CRY2: variants seen among roughly 807,000 people sequenced by gnomAD.
The protein encoded by CRY2 is cryptochrome circadian regulator 2.
In CRY2, 31 loss-of-function variants were observed where a neutral mutation model predicts 69.5. The ratio of observed to expected loss-of-function variants is 0.45; its 90% CI spans 0.34 to 0.60. The LOEUF is 0.60. Among genes scored for constraint, CRY2 ranks in the 20% least tolerant of loss-of-function variants. The pLI, the probability that CRY2 is intolerant of heterozygous loss-of-function variation, is 0.02. For missense variants in CRY2, 606 were observed against 797.8 expected, an observed-to-expected ratio of 0.76 and a Z score of 2.90; for synonymous variants, 303 against 312.2, an observed-to-expected ratio of 0.97 and a Z score of 0.31.
At chr11:45,874,382 C>T (rs908842935) in intron 11 of CRY2, among the ~76,000 whole-genome samples, 23 of 152,030 alleles carry the variant, frequency 1.5e-4, no homozygotes, top group African/African-American at 5.3e-4. Flanking sequence ...GCTTATTTTT[C>T]TTACCTAACA....
chr11:45,856,667 G>A (rs2086241782), intron 2 of CRY2, among the ~76,000 whole-genome samples: 1 of 152,146 alleles, frequency 6.6e-6, no homozygotes, highest in Admixed American at 6.5e-5. Context: ...ATGTTGGCTG[G>A]CACCTGTAGT....
Position 45,882,724 on chromosome 11 carries a change from G to C in CRY2, c.*1813G>C, listed in dbSNP as rs1234565654. 6 of 398,764 alleles carry C rather than the reference G, an allele frequency of 1.5e-5. No individual in the cohort carries two copies. The highest frequency in any genetic ancestry group is 2.7e-5 in the Non-Finnish European group (6 of 226,134). 24.7% of individuals were successfully genotyped at this position (398,764 alleles called of 1,614,324 possible). ...CGAGAGGAAAGAGAATCGGGCCACT[G>C]CCAGAAAGAGAGTCAAGCAAACCTG... On this transcript the variant is annotated 3_prime_UTR_variant, in exon 12 of 12. Transcript: ENST00000616080.
chr11:45,858,815 A>C lies in CRY2; in HGVS notation c.409A>C (p.Lys137Gln). ...GGATGCAGCCATCATGAAGATGGCC[A>C]AGGAGGCTGGTGTGGAAGTAGTGAC... ...ERDAAIMKMA[K>Q]EAGVEVVTEN... Residue 137 changes from lysine to glutamine, a missense_variant, in exon 3 of 12, where the codon AAG (lysine) becomes CAG (glutamine). Lys to Gln is a moderately conservative substitution (Grantham distance 53, BLOSUM62 1). This residue lies in a region of CRY2 where 382 missense variants were observed against 508.9 expected (regional missense o/e 0.75). Transcript: ENST00000616080. The C allele has an allele frequency of 6.2e-7, 1 of 1,614,192 alleles. No individual in the cohort carries two copies. Among genetic ancestry groups the C allele is most frequent in the Non-Finnish European group, 8.5e-7 (1 of 1,180,040 alleles).
chr11:45,861,255 T>C (rs990602702), intron 4 of CRY2: 14 of 528,206 alleles, frequency 2.7e-5, no homozygotes, highest in Non-Finnish European at 4.3e-5. Flanking sequence ...TGTAATCTTC[T>C]GTTTCTGGTT....
intron 1 of CRY2, among the ~76,000 whole-genome samples, chr11:45,849,598 C>A (rs933084736): frequency 6.6e-6 from 1 of 151,348 alleles, no homozygotes. Flanking sequence ...TTAAAAGATA[C>A]CTGGGCCCCT....
intron 11 of CRY2, among the ~76,000 whole-genome samples, chr11:45,875,516 G>A (rs558138916): frequency 6.6e-6 from 1 of 152,334 alleles, no homozygotes; most frequent in African/African-American, 2.4e-5. Context: ...TGACAAGGAT[G>A]CAGAGGTAAA....
At chr11:45,874,855 A>T (rs564835723) in intron 11 of CRY2, among the ~76,000 whole-genome samples, 37 of 152,290 alleles carry the variant, frequency 2.4e-4, no homozygotes, top group African/African-American at 8.4e-4. Flanking sequence ...AGGCAGGAGA[A>T]TCACTTGAAC....
At chr11:45,860,124 C>A (rs2086275142) in intron 3 of CRY2, among the ~76,000 whole-genome samples, 1 of 152,190 alleles carries the variant, frequency 6.6e-6, no homozygotes, top group African/African-American at 2.4e-5. Flanking sequence ...TATAAACAGC[C>A]TCCGTTCTCT....
At chr11:45,875,425 C>T (rs933223737) in intron 11 of CRY2, among the ~76,000 whole-genome samples, 2 of 152,136 alleles carry the variant, frequency 1.3e-5, no homozygotes, top group African/African-American at 4.8e-5. Flanking sequence ...ATGAATTAGG[C>T]ATTGGGCTGG....
chr11:45,868,985 A>T (rs1366432325), intron 6 of CRY2, among the ~76,000 whole-genome samples: 2 of 152,214 alleles, frequency 1.3e-5, no homozygotes, highest in African/African-American at 4.8e-5. Flanking sequence ...ATTTTGTGGC[A>T]TGGGATAGCT....
rs1464153759 is a variant in CRY2 at position 45,870,040 on chromosome 11, C to A, written c.1195-13C>A. The A allele has an allele frequency of 6.3e-7, 1 of 1,582,570 alleles. No individual in the cohort carries two copies. Among genetic ancestry groups the A allele is most frequent in the South Asian group, 1.2e-5 (1 of 86,814 alleles). ...TGTCCCCAAGGAGGCTGATCATCCC[C>A]TCCCCTATCTAGGTATTTGATGAGC... On this transcript the variant is annotated splice_polypyrimidine_tract_variant and intron_variant, in intron 7 of 11. Coordinates refer to ENST00000616080, the MANE Select transcript of CRY2 (RefSeq NM_021117.5).
chr11:45,847,229 C>G (rs1565053455), upstream of CRY2: 2 of 1,551,054 alleles, frequency 1.3e-6, no homozygotes, highest in Non-Finnish European at 1.7e-6. Flanking sequence ...CGGACAGCCC[C>G]AGCCTGCGTC....
upstream of CRY2, chr11:45,847,317 T>A: frequency 6.3e-7 from 1 of 1,579,822 alleles, no homozygotes; most frequent in South Asian, 1.2e-5. Context: ...TTCCGGCGCC[T>A]CTGGGCCAAT....
Position 45,859,770 on chromosome 11 carries a change from C to CCTGCTG in CRY2, c.467+910_467+915dup, listed in dbSNP as rs937484005. On this transcript the variant is annotated intron_variant, in intron 3 of 11. Transcript: ENST00000616080. ...CCTGCCATGCCAGAGCTGTCACCCT[C>CCTGCTG]CTGCTGCTGCTGCTGCTGTTGCTGC... is the stretch of plus-strand genomic sequence containing the variant. Among the ~76,000 whole-genome samples the CCTGCTG allele has an allele frequency of 9.9e-5, 15 of 152,022 alleles. 1 individual carries two copies. Among genetic ancestry groups the CCTGCTG allele is most frequent in the Admixed American group, 9.8e-4 (15 of 15,286 alleles).
intron 6 of CRY2, among the ~76,000 whole-genome samples, chr11:45,868,928 G>C (rs994216887): frequency 6.6e-6 from 1 of 152,172 alleles, no homozygotes; most frequent in South Asian, 2.1e-4. Context: ...ACACCTGGCT[G>C]TATCTAGGTT....
intron 11 of CRY2, among the ~76,000 whole-genome samples, chr11:45,872,492 G>A (rs1027195813): frequency 1.6e-4 from 25 of 152,208 alleles, no homozygotes; most frequent in African/African-American, 6.0e-4. Context: ...TGTAATCCCA[G>A]CACTTTGGGA....
intron 11 of CRY2, among the ~76,000 whole-genome samples, chr11:45,872,467 A>G (rs1347228611): frequency 6.6e-6 from 1 of 152,118 alleles, no homozygotes; most frequent in Non-Finnish European, 1.5e-5. Flanking sequence ...TGGGCCGGCT[A>G]TGGTGGCTCA....
At chr11:45,872,804 G>T (rs75733210) in intron 11 of CRY2, among the ~76,000 whole-genome samples, 2 of 152,160 alleles carry the variant, frequency 1.3e-5, no homozygotes, top group African/African-American at 4.8e-5. Context: ...TGAGACCTGC[G>T]TGTGAAGCAG....
rs2086470480 is a variant in CRY2, at chr11:45,881,349, T to G, written c.*438T>G. 1 of 152,654 alleles carries G rather than the reference T, an allele frequency of 6.6e-6. No individual in the cohort carries two copies. Among genetic ancestry groups the G allele is most frequent in the Non-Finnish European group, 1.5e-5 (1 of 68,078 alleles). The allele number at this position is 152,654 out of a possible 1,614,324, so 9.5% of individuals were successfully genotyped here. The stretch of plus-strand genomic sequence containing the variant: ...AGGAGCACAGCAGTTCTGGCTGTTG[T>G]CCAAAGCATGGGATTCTGGAGGCAG... On this transcript the variant is annotated 3_prime_UTR_variant, in exon 12 of 12. Coordinates refer to ENST00000616080, the MANE Select transcript of CRY2 (RefSeq NM_021117.5).
Sources: gnomAD v4.1 joint callset for allele counts (sites outside exome capture counted in the v4.1 genomes callset) on GRCh38, gnomAD v4.1.1 for gene constraint, gnomAD v4.1.1 regional missense constraint, MANE v1.5 for transcripts, NCBI Gene and HGNC (gene_info 2026-07-23, HGNC 2026-07-21) for gene names.